Variants in LEMD2 observed in about 807,000 individuals in gnomAD.
LEMD2 encodes the protein LEM domain nuclear envelope protein 2, also known as LEM domain-containing protein 2.
Under a neutral mutation model 58.8 loss-of-function variants are expected in LEMD2, and 34 were observed. That is an observed-to-expected ratio of 0.58 (90% CI 0.44 to 0.77). LEMD2 has a LOEUF of 0.77. LEMD2 is among the 30% of genes least tolerant of loss of function. The pLI, the probability that LEMD2 is intolerant of heterozygous loss-of-function variation, is 0.00. For synonymous variants in LEMD2, 298 were observed against 308.9 expected (o/e 0.96, Z 0.37); for missense variants, 629 against 717.9 (o/e 0.88, Z 1.42).
In LEMD2 at chr6:33,781,102, A is replaced by G. The variant is rs1767555433; in HGVS notation, c.905T>C (p.Val302Ala). ...PENLKSKCIPVMEAQEYIANV... is the reference protein window; with the variant it reads ...PENLKSKCIPAMEAQEYIANV... ...GGCTATATATTCTTGGGCTTCCATA[A>G]CAGGAATGCATTTGCTTTTTAGATT... The change falls in exon 4 of 9, where the codon GTT becomes GCT. Residue 302 changes from valine to alanine, a missense_variant. By Grantham distance (64) the Val-to-Ala change is moderately conservative (BLOSUM62 0). This residue lies in a region of LEMD2 where 243 missense variants were observed against 336.8 expected (regional missense o/e 0.72). Coordinates refer to ENST00000293760, the MANE Select transcript of LEMD2 (RefSeq NM_181336.4). 1 of 1,613,384 alleles carries G rather than the reference A, an allele frequency of 6.2e-7. No individual in the cohort carries two copies.
intron 8 of LEMD2, among the ~76,000 whole-genome samples, chr6:33,775,221 G>A (rs1426449062): frequency 5.3e-5 from 8 of 152,264 alleles, no homozygotes. Context: ...AGCCCATGCT[G>A]CTGTGAGTCT....
At chr6:33,774,845 T>A (rs2127378148) in intron 8 of LEMD2, among the ~76,000 whole-genome samples, 1 of 152,332 alleles carries the variant, frequency 6.6e-6, no homozygotes, top group South Asian at 2.1e-4. Context: ...GTCATCTGTC[T>A]CCTTCCTGAG....
At chr6:33,781,968 G>C (rs925762078) in intron 3 of LEMD2, 1 of 152,324 alleles carries the variant, frequency 6.6e-6, no homozygotes, top group African/African-American at 2.4e-5. Context: ...GGGGGACTTC[G>C]GGTGGCCAGT....
chr6:33,779,571 A>G (rs1274017118), intron 5 of LEMD2: 1 of 152,690 alleles, frequency 6.5e-6, no homozygotes, highest in Non-Finnish European at 1.5e-5. Flanking sequence ...GAGCCGCCAG[A>G]TACAGCCTTT....
In LEMD2 at chr6:33,781,160, G is replaced by GAA. The variant is rs3833665; in HGVS notation, c.854-9_854-8dup. The GAA allele has an allele frequency of 1.0e-4, 158 of 1,561,998 alleles. No individual in the cohort carries two copies. The highest frequency in any genetic ancestry group is 1.2e-4 in the Non-Finnish European group (140 of 1,135,904). On this transcript the variant is annotated splice_polypyrimidine_tract_variant and splice_region_variant and intron_variant, in intron 3 of 8. Transcript: ENST00000293760. ...TTTCCACACTCAAAATTACCTAGGA[G>GAA]AAAAAAAACCACACATGCTCAAACA...
intron 1 of LEMD2, among the ~76,000 whole-genome samples, chr6:33,787,970 G>A (rs1329334502): frequency 6.6e-6 from 1 of 152,228 alleles, no homozygotes; most frequent in Non-Finnish European, 1.5e-5. Context: ...GTGGGCCACT[G>A]AAATCTGGAG....
At position 33,772,204 on chromosome 6, in the gene LEMD2, C is replaced by T. The variant is rs1454524984; in HGVS notation, c.*424G>A. ...CTCAAGTAACAACCCCCTGAAGGCACATGGACCAAGCTGCTCCCCATCCCG... is the reference window on the plus strand; with the variant it reads ...CTCAAGTAACAACCCCCTGAAGGCATATGGACCAAGCTGCTCCCCATCCCG... On this transcript the variant is annotated 3_prime_UTR_variant, in exon 9 of 9. Transcript: ENST00000293760. 1.2e-5 allele frequency: 2 copies of T among 162,510 alleles called. No individual in the cohort carries two copies. Among genetic ancestry groups the T allele is most frequent in the South Asian group, 1.8e-4 (1 of 5,580 alleles). 10.1% of individuals were successfully genotyped at this position (162,510 alleles called of 1,614,324 possible).
chr6:33,783,604 C>A (rs1359242242), intron 3 of LEMD2, among the ~76,000 whole-genome samples: 1 of 152,202 alleles, frequency 6.6e-6, no homozygotes, highest in African/African-American at 2.4e-5. Flanking sequence ...TGAGAGCCTC[C>A]TGGATGCCAG....
At chr6:33,780,566 T>C (rs575722889) in intron 4 of LEMD2, among the ~76,000 whole-genome samples, 175 of 149,116 alleles carry the variant, frequency 1.2e-3, no homozygotes, top group Non-Finnish European at 1.2e-3. Context: ...GGCAAGTCCC[T>C]GACCCTCTCC....
chr6:33,777,361 G>A, intron 6 of LEMD2, 122 bp from the exon 7 acceptor site: 1 of 762,456 alleles, frequency 1.3e-6, no homozygotes, highest in Non-Finnish European at 2.4e-6. Context: ...TACCTACTAT[G>A]TGTCAGGCTC....
In LEMD2 at chr6:33,778,222, G is replaced by C. The variant is rs1767480855; in HGVS notation, c.1156+20C>G. ...ATGCTTGACTGCACAGAAGGGGAGG[G>C]AAGGCGGCCGAGGACTTACACCAGA... On this transcript the variant is annotated intron_variant, in intron 6 of 8. Transcript: ENST00000293760. This position sits in a 1 kb window ranked among gnomAD's most constrained non-coding sequence, Gnocchi z 4.7. 6.4e-7 allele frequency: 1 copy of C among 1,566,012 alleles called. No homozygotes were observed. Among genetic ancestry groups the C allele is most frequent in the African/African-American group, 1.4e-5 (1 of 73,546 alleles).
Position 33,780,374 on chromosome 6 carries a change from A to T in LEMD2, c.931-195T>A. On this transcript the variant is annotated intron_variant, in intron 4 of 8. Transcript: ENST00000293760. ...CCAAGGAAGAGGCTATAACCAGAGG[A>T]GGTGATGCGGAAGCACAAGCAGGAA... The T allele has an allele frequency of 4.9e-6, 3 of 608,652 alleles. No homozygotes were observed. In the South Asian group the frequency reaches 5.5e-5, roughly 11 times the overall value. The allele number at this position is 608,652 out of a possible 1,614,324, so 37.7% of individuals were successfully genotyped here.
At chr6:33,772,973 T>G (rs530586003) in intron 8 of LEMD2, among the ~76,000 whole-genome samples, 195 bp from the exon 9 acceptor site, 2 of 152,172 alleles carry the variant, frequency 1.3e-5, no homozygotes, top group Non-Finnish European at 2.9e-5. Flanking sequence ...TCCTCAACCT[T>G]CACTGATCCA....
chr6:33,771,213 T>A lies in LEMD2; in HGVS notation c.*1415A>T, dbSNP rs1767280888. On this transcript the variant is annotated 3_prime_UTR_variant, in exon 9 of 9. Transcript: ENST00000293760. Reference sequence around the variant, plus strand: ...GGGAAAGAACCATGGGCAAGAAACATCCGTTTTTAATAAATAGTTTATTCA... The same window carrying A: ...GGGAAAGAACCATGGGCAAGAAACAACCGTTTTTAATAAATAGTTTATTCA... The A allele has an allele frequency of 6.6e-6, 1 of 152,170 alleles. No homozygotes were observed. Among genetic ancestry groups the A allele is most frequent in the Non-Finnish European group, 1.5e-5 (1 of 68,034 alleles). The allele number at this position is 152,170 out of a possible 1,614,324, so 9.4% of individuals were successfully genotyped here. A position where few individuals can be genotyped will look rare whatever the true frequency, so the allele number is the denominator to read the frequency against.
At chr6:33,775,160 G>C (rs558153907) in intron 8 of LEMD2, among the ~76,000 whole-genome samples, 4 of 152,300 alleles carry the variant, frequency 2.6e-5, no homozygotes, top group African/African-American at 9.6e-5. Context: ...TCCCTGGGAG[G>C]TAGAGGGCCT....
rs1204032522 is a variant in LEMD2 at position 33,771,749 on chromosome 6, T to C, written c.*879A>G. ...CGGCCGGGGTAACAGAAACGCCGGC[T>C]GCGCTGAAGTTCTTGTTAAACAGCC... On this transcript the variant is annotated 3_prime_UTR_variant, in exon 9 of 9. Transcript: ENST00000293760. 2 of 152,228 alleles carry C rather than the reference T, an allele frequency of 1.3e-5. No individual in the cohort carries two copies. Among genetic ancestry groups the C allele is most frequent in the Non-Finnish European group, 2.9e-5 (2 of 68,038 alleles). The allele number at this position is 152,228 out of a possible 1,614,324, so 9.4% of individuals were successfully genotyped here.
intron 6 of LEMD2, 92 bp from the exon 7 acceptor site, chr6:33,777,331 A>T (rs1192232589): frequency 2.2e-6 from 2 of 893,470 alleles, no homozygotes; most frequent in Admixed American, 3.4e-5. Context: ...GCTGTGGGGG[A>T]TCCACCACAT....
At chr6:33,781,001 C>T (rs933068362) in intron 4 of LEMD2, 76 bp downstream of exon 4, 3 of 1,016,736 alleles carry the variant, frequency 3.0e-6, no homozygotes, top group African/African-American at 1.6e-5. Flanking sequence ...AAAACAAAAA[C>T]CCCAACAGGG....
intron 2 of LEMD2, 98 bp downstream of exon 2, chr6:33,786,636 C>A: frequency 1.1e-6 from 1 of 925,834 alleles, no homozygotes; most frequent in South Asian, 1.4e-5. Context: ...GAAGCACTCC[C>A]TGAAAATGAT....
Sources: gnomAD v4.1 joint callset for allele counts (sites outside exome capture counted in the v4.1 genomes callset) on GRCh38, gnomAD v4.1.1 for gene constraint, gnomAD v4.1.1 regional missense constraint, Gnocchi (gnomAD v3.1) non-coding constraint, MANE v1.5 for transcripts, NCBI Gene and HGNC (gene_info 2026-07-23, HGNC 2026-07-21) for gene names.